UROC1: variants seen among roughly 807,000 people sequenced by gnomAD.
UROC1 encodes urocanate hydratase.
In UROC1, 79 loss-of-function variants were observed where a neutral mutation model predicts 89.5. The observed-to-expected ratio is 0.88, with a 90% confidence interval of 0.74 to 1.06. UROC1 has a LOEUF of 1.06. UROC1 is among the 50% of genes least tolerant of loss of function. The pLI is 0.00. For missense variants in UROC1, 885 were observed against 907.8 expected, an observed-to-expected ratio of 0.97 and a Z score of 0.32; for synonymous variants, 361 against 354.8, an observed-to-expected ratio of 1.02 and a Z score of -0.20.
intron 9 of UROC1, among the ~76,000 whole-genome samples, chr3:126,501,620 G>A (rs1191146490): frequency 6.6e-6 from 1 of 152,264 alleles, no homozygotes; most frequent in African/African-American, 2.4e-5. Context: ...TGGTCCCAGA[G>A]TTGCAGGATT....
In UROC1 at chr3:126,505,856, A is replaced by C. The variant is rs766628058; in HGVS notation, c.670-12T>G. 7.6e-5 allele frequency: 123 copies of C among 1,613,304 alleles called. No homozygotes were observed. The highest frequency in any genetic ancestry group is 1.6e-4 in the Middle Eastern group (1 of 6,084). On this transcript the variant is annotated splice_polypyrimidine_tract_variant and intron_variant, in intron 7 of 19. Coordinates refer to ENST00000290868, the MANE Select transcript of UROC1 (RefSeq NM_144639.3). ...TTCAACACGGTGAGCTGCAGGGAGA[A>C]GAGGTGGGGGCTCACTGCCCACTCC...
intron 16 of UROC1, among the ~76,000 whole-genome samples, chr3:126,492,035 C>T (rs898738483): frequency 6.6e-6 from 1 of 152,110 alleles, no homozygotes; most frequent in East Asian, 1.9e-4. Flanking sequence ...AGCCCCTGAG[C>T]CACCTATGCT....
At chr3:126,499,650 C>G (rs1459873406) in intron 12 of UROC1, among the ~76,000 whole-genome samples, 1 of 152,260 alleles carries the variant, frequency 6.6e-6, no homozygotes, top group Non-Finnish European at 1.5e-5. Context: ...GAGCCCGCCA[C>G]CTGCAGGGAG....
intron 1 of UROC1, among the ~76,000 whole-genome samples, chr3:126,511,431 T>C (rs1936194266): frequency 6.6e-6 from 1 of 152,226 alleles, no homozygotes. Context: ...CACAGCCTGC[T>C]GGTTAGGTGG....
chr3:126,512,191 C>T (rs1936211217), intron 1 of UROC1, among the ~76,000 whole-genome samples: 1 of 152,240 alleles, frequency 6.6e-6, no homozygotes, highest in Admixed American at 6.5e-5. Flanking sequence ...CAAGGCCCTG[C>T]AACAGGACTG....
chr3:126,495,486 C>T (rs755498147), intron 15 of UROC1, among the ~76,000 whole-genome samples: 32 of 152,188 alleles, frequency 2.1e-4, no homozygotes, highest in Non-Finnish European at 4.0e-4. Flanking sequence ...GCACTCCCTT[C>T]CGTTTGAGGC....
chr3:126,512,878 A>G (rs1936224510), intron 1 of UROC1, among the ~76,000 whole-genome samples: 1 of 152,240 alleles, frequency 6.6e-6, no homozygotes, highest in East Asian at 1.9e-4. Context: ...CACTTGCACT[A>G]TTTCTTGATC....
intron 2 of UROC1, 124 bp downstream of exon 2, chr3:126,510,540 G>A: frequency 1.4e-6 from 2 of 1,474,408 alleles, no homozygotes. Context: ...CCTGCCTCCT[G>A]GTCTGGACAG....
chr3:126,505,823 G>T lies in UROC1; in HGVS notation c.691C>A (p.Arg231Ser), dbSNP rs769677393. 28 of 1,613,700 alleles carry T rather than the reference G, an allele frequency of 1.7e-5. No homozygotes were observed. The African/African-American group carries it at 2.7e-4, about 15-fold the overall frequency. ...GTVLTVLNAA[R>S]RYLGIEDLAG... ...AAGTCCTCGATGCCCAGGTACCGACGTGCAGCATTCAACACGGTGAGCTGC... is the reference window on the plus strand; with the variant it reads ...AAGTCCTCGATGCCCAGGTACCGACTTGCAGCATTCAACACGGTGAGCTGC... Residue 231 changes from arginine (R) to serine (S), a missense_variant, in exon 8 of 20, where the codon CGT becomes AGT. Physicochemically the swap from Arg to Ser is moderately radical, Grantham distance 110. Coordinates refer to ENST00000290868, the MANE Select transcript of UROC1 (RefSeq NM_144639.3).
intron 18 of UROC1, among the ~76,000 whole-genome samples, chr3:126,487,974 C>T (rs550296789): frequency 3.2e-4 from 48 of 152,342 alleles, no homozygotes; most frequent in Non-Finnish European, 5.7e-4. Flanking sequence ...ACCCATGTGG[C>T]AGGGGAGACC....
At chr3:126,483,641 G>C (rs936539311) in intron 18 of UROC1, among the ~76,000 whole-genome samples, 173 bp from the exon 19 acceptor site, 1 of 152,226 alleles carries the variant, frequency 6.6e-6, no homozygotes, top group Non-Finnish European at 1.5e-5. Flanking sequence ...AGCACAGCTG[G>C]GAGCAGCGTG....
chr3:126,488,394 C>G (rs1480721928), intron 17 of UROC1, 115 bp from the exon 18 acceptor site: 50 of 1,140,984 alleles, frequency 4.4e-5, no homozygotes, highest in Non-Finnish European at 6.1e-5. Flanking sequence ...GATGGGGCGG[C>G]AACTAGGCCC....
chr3:126,506,465 G>T (rs1321272268), intron 6 of UROC1, among the ~76,000 whole-genome samples: 3 of 152,176 alleles, frequency 2.0e-5, no homozygotes, highest in African/African-American at 7.2e-5. Context: ...GGCAGAGAGG[G>T]ACAGGGCCCT....
chr3:126,505,898 C>T (rs1189758308), intron 7 of UROC1, 47 bp downstream of exon 7: 2 of 1,611,694 alleles, frequency 1.2e-6, no homozygotes, highest in East Asian at 2.2e-5. Flanking sequence ...GCCCCCTCCA[C>T]CCCCCATGCT....
intron 19 of UROC1, 76 bp downstream of exon 19, chr3:126,483,293 T>C (rs1935432169): frequency 7.4e-7 from 1 of 1,343,246 alleles, no homozygotes; most frequent in East Asian, 2.3e-5. Context: ...AGATGCTGTA[T>C]GACAGCAAAC....
rs557790551 is a variant in UROC1, at chr3:126,486,809, G to A, written c.1790+1389C>T. ...AGTGGCATCCCTTTCGAGTAGCCAC[G>A]GTGGAGACAGAATTGGGAGTGGCGT... On this transcript the variant is annotated intron_variant, in intron 18 of 19. Coordinates refer to ENST00000290868, the MANE Select transcript of UROC1 (RefSeq NM_144639.3). 2.5e-3 allele frequency among the ~76,000 whole-genome samples: 378 copies of A among 152,306 alleles called. 1 individual carries two copies. The highest frequency in any genetic ancestry group is 0.025 in the South Asian group (119 of 4,824).
chr3:126,498,543 C>A (rs529639632), intron 13 of UROC1, among the ~76,000 whole-genome samples: 19 of 152,166 alleles, frequency 1.2e-4, no homozygotes, highest in African/African-American at 4.6e-4. Flanking sequence ...CCTAGGTGAG[C>A]TTATCTTCCC....
chr3:126,500,218 C>T, intron 11 of UROC1, 64 bp from the exon 12 acceptor site: 1 of 1,509,864 alleles, frequency 6.6e-7, no homozygotes, highest in Non-Finnish European at 9.1e-7. Flanking sequence ...ATGTGGCACC[C>T]TCAGTCGCAC....
chr3:126,503,689 G>T (rs1000009902), intron 9 of UROC1, among the ~76,000 whole-genome samples: 3 of 152,250 alleles, frequency 2.0e-5, no homozygotes, highest in Non-Finnish European at 4.4e-5. Flanking sequence ...AAGGCTACCT[G>T]AAGCCCATCA....
Sources: allele counts gnomAD v4.1 joint callset (sites outside exome capture counted in the v4.1 genomes callset), GRCh38; gene constraint gnomAD v4.1.1; transcripts MANE v1.5; gene names NCBI Gene and HGNC (gene_info 2026-07-23, HGNC 2026-07-21).